The following ADCY7 variants were observed in gnomAD, a reference collection of about 807,000 sequenced individuals.
The protein encoded by ADCY7 is adenylate cyclase 7, also known as adenylate cyclase type 7.
In ADCY7, 72 loss-of-function variants were observed where a neutral mutation model predicts 120.6. That is an observed-to-expected ratio of 0.60 (90% CI 0.49 to 0.73). ADCY7 has a LOEUF of 0.73. Among genes scored for constraint, ADCY7 ranks in the 30% least tolerant of loss-of-function variants. The pLI is 0.00. For synonymous variants in ADCY7, 661 were observed against 628.0 expected (o/e 1.05, Z -0.78); for missense variants, 1,227 against 1,486.0 (o/e 0.83, Z 2.87).
At chr16:50,274,648 T>G (rs2033771982) in intron 1 of ADCY7, among the ~76,000 whole-genome samples, 1 of 152,078 alleles carries the variant, frequency 6.6e-6, no homozygotes, top group Non-Finnish European at 1.5e-5. Flanking sequence ...GAGGCCAAAC[T>G]GGGGGCCTCC....
At chr16:50,306,267 T>C (rs1035742800) in intron 14 of ADCY7, among the ~76,000 whole-genome samples, 2 of 152,126 alleles carry the variant, frequency 1.3e-5, no homozygotes, top group African/African-American at 2.4e-5. Flanking sequence ...CTGAGCGCCT[T>C]CTGGGTTCTG....
At position 50,301,170 on chromosome 16, in the gene ADCY7, C is replaced by T. The variant is rs1435190501; in HGVS notation, c.1324C>T (p.Leu442Phe). ...GCACGGGCAGCAGCGGGACCCCTAC[C>T]TCAAGGAGATGAACATCCGCACCTA... ...DGHGQQRDPY[L>F]KEMNIRTYLV... The change falls in exon 10 of 26, where the codon CTC (leucine) becomes TTC (phenylalanine). Residue 442 changes from leucine (L) to phenylalanine (F), a missense_variant. Transcript: ENST00000673801. 2.5e-6 allele frequency: 4 copies of T among 1,611,926 alleles called. No individual in the cohort carries two copies. Among genetic ancestry groups the T allele is most frequent in the Admixed American group, 3.4e-5 (2 of 59,674 alleles).
intron 1 of ADCY7, among the ~76,000 whole-genome samples, chr16:50,256,013 G>C (rs957052802): frequency 1.4e-5 from 1 of 72,432 alleles, no homozygotes; most frequent in African/African-American, 5.3e-5. Context: ...TGTGATACTG[G>C]TCTGGGCAAT....
intron 1 of ADCY7, among the ~76,000 whole-genome samples, chr16:50,256,207 T>C (rs2032914124): frequency 6.6e-6 from 1 of 151,992 alleles, no homozygotes; most frequent in African/African-American, 2.4e-5. Flanking sequence ...CCAAAATAGA[T>C]AAGGAACTCA....
At chr16:50,293,591 G>A in intron 6 of ADCY7, 89 bp downstream of exon 6, 1 of 1,483,314 alleles carries the variant, frequency 6.7e-7, no homozygotes, top group Non-Finnish European at 9.1e-7. Flanking sequence ...CCTATCTGGA[G>A]GCTCAGACCC....
At chr16:50,246,420 ACCT>A (rs1567523288) in intron 1 of ADCY7, among the ~76,000 whole-genome samples, 2 of 151,362 alleles carry the variant, frequency 1.3e-5, no homozygotes, top group Admixed American at 6.6e-5. Context: ...TCGGGCCACG[ACCT>A]CCTCCCTTAG....
chr16:50,291,560 C>T (rs2034962503), intron 3 of ADCY7, among the ~76,000 whole-genome samples, 176 bp from the exon 4 acceptor site: 1 of 152,194 alleles, frequency 6.6e-6, no homozygotes, highest in African/African-American at 2.4e-5. Flanking sequence ...GCCGGGCCCA[C>T]CCTAGAAACA....
At chr16:50,294,185 A>G (rs11648839) in intron 6 of ADCY7, among the ~76,000 whole-genome samples, 30,204 of 152,154 alleles carry the variant, frequency 0.2, 3,360 homozygotes, top group Non-Finnish European at 0.26. Flanking sequence ...CAGTTTGTGC[A>G]TCTGTAGAAC....
intron 1 of ADCY7, among the ~76,000 whole-genome samples, chr16:50,253,809 G>A (rs536965069): frequency 5.9e-5 from 9 of 152,312 alleles, no homozygotes; most frequent in South Asian, 2.1e-4. Flanking sequence ...GGGTGGAGGC[G>A]GTGGTGTCTG....
chr16:50,298,241 C>G (rs66470361), intron 7 of ADCY7, among the ~76,000 whole-genome samples: 1 of 151,896 alleles, frequency 6.6e-6, no homozygotes, highest in Non-Finnish European at 1.5e-5. Context: ...CCTCACCCCC[C>G]ACTCCTGCAG....
Position 50,315,705 on chromosome 16 carries a change from CAGGGG to C in ADCY7, c.*204_*208del. The C allele has an allele frequency of 3.4e-6, 2 of 592,894 alleles. No homozygotes were observed. Among genetic ancestry groups the C allele is most frequent in the Non-Finnish European group, 2.9e-6 (1 of 349,752 alleles). 36.7% of individuals were successfully genotyped at this position (592,894 alleles called of 1,614,324 possible). A position where few individuals can be genotyped will look rare whatever the true frequency, so the allele number is the denominator to read the frequency against. ...GAAGCAGCCACTGAGCCATAATGCG[CAGGGG>C]AGGCCAGAAGCTCTGTGCCTGGTCT... is the stretch of plus-strand genomic sequence containing the variant. On this transcript the variant is annotated 3_prime_UTR_variant, in exon 26 of 26. Coordinates refer to ENST00000673801, the MANE Select transcript of ADCY7 (RefSeq NM_001114.5).
At chr16:50,262,937 G>A (rs1374924932), upstream of ADCY7, among the ~76,000 whole-genome samples, 2 of 152,248 alleles carry the variant, frequency 1.3e-5, no homozygotes. Flanking sequence ...CCAGGGCTGG[G>A]AGATCTTGGG....
rs140550356 is a variant in ADCY7 at position 50,312,674 on chromosome 16, G to C, written c.2605-216G>C. Among the ~76,000 whole-genome samples the C allele has an allele frequency of 6.4e-4, 97 of 152,266 alleles. 1 individual carries two copies. In the East Asian group the frequency reaches 0.016, roughly 25 times the overall value. On this transcript the variant is annotated intron_variant, in intron 21 of 25. Coordinates refer to ENST00000673801, the MANE Select transcript of ADCY7 (RefSeq NM_001114.5). ...ATGGAAACACCCATGGTGCTTCTGT[G>C]AGCAAAAACCAACCTGAGCCTGACC...
chr16:50,272,121 G>A (rs1345336892), intron 1 of ADCY7, among the ~76,000 whole-genome samples: 1 of 151,808 alleles, frequency 6.6e-6, no homozygotes, highest in Non-Finnish European at 1.5e-5. Context: ...AGGGTATCAG[G>A]ACATGCTGGA....
chr16:50,264,344 A>G (rs942636690), upstream of ADCY7, among the ~76,000 whole-genome samples: 23 of 152,210 alleles, frequency 1.5e-4, no homozygotes, highest in African/African-American at 5.5e-4. Context: ...TTGTGTGAAT[A>G]TATGAAAATT....
chr16:50,313,140 G>C (rs537555632), intron 22 of ADCY7, 104 bp downstream of exon 22: 9 of 1,485,554 alleles, frequency 6.1e-6, no homozygotes, highest in Admixed American at 1.9e-5. Flanking sequence ...ATGTGACACA[G>C]AGCTGGGCAA....
chr16:50,290,398 G>T (rs2034867389), intron 2 of ADCY7, 59 bp from the exon 3 acceptor site: 1 of 1,592,402 alleles, frequency 6.3e-7, no homozygotes, highest in Non-Finnish European at 8.6e-7. Context: ...AGGCTTTCTG[G>T]AGGAGGTGGC....
Position 50,313,951 on chromosome 16 carries a change from C to T in ADCY7, c.2752-7C>T, listed in dbSNP as rs773675326. 6.8e-6 allele frequency: 11 copies of T among 1,609,090 alleles called. No homozygotes were observed. The highest frequency in any genetic ancestry group is 1.7e-5 in the Admixed American group (1 of 59,644). On this transcript the variant is annotated splice_polypyrimidine_tract_variant and splice_region_variant and intron_variant, in intron 22 of 25. Coordinates refer to ENST00000673801, the MANE Select transcript of ADCY7 (RefSeq NM_001114.5). ...CGGCTGCTTCACCGCTTCCTTCTTG[C>T]CTGCAGCTCCTACTGAAGCCCAAGT...
In ADCY7 at chr16:50,294,638, AGC is replaced by A; in HGVS notation, c.837-1_837del. On this transcript the variant is annotated splice_acceptor_variant and coding_sequence_variant, in exon 7 of 26. Coordinates refer to ENST00000673801, the MANE Select transcript of ADCY7 (RefSeq NM_001114.5). LOFTEE classifies it high-confidence loss of function. Reference sequence around the variant, plus strand: ...CTCCCTCCCACCCTGCCCCATCCCCAGCATCCTCTATGCGGACATCGTGGGCT... The same window carrying A: ...CTCCCTCCCACCCTGCCCCATCCCCAATCCTCTATGCGGACATCGTGGGCT... 1.1e-6 allele frequency: 1 copy of A among 894,518 alleles called. No homozygotes were observed. Among genetic ancestry groups the A allele is most frequent in the Non-Finnish European group, 1.8e-6 (1 of 558,404 alleles). 55.4% of individuals were successfully genotyped at this position (894,518 alleles called of 1,614,324 possible). A position where few individuals can be genotyped will look rare whatever the true frequency, so the allele number is the denominator to read the frequency against.
Sources: gnomAD v4.1 joint callset for allele counts (sites outside exome capture counted in the v4.1 genomes callset) on GRCh38, gnomAD v4.1.1 for gene constraint, MANE v1.5 for transcripts, NCBI Gene and HGNC (gene_info 2026-07-23, HGNC 2026-07-21) for gene names.